Variants in TMEM17 observed in about 807,000 individuals in gnomAD.
TMEM17 encodes transmembrane protein 17.
In TMEM17, 15 loss-of-function variants were observed where a neutral mutation model predicts 19.1. The ratio of observed to expected loss-of-function variants is 0.78; its 90% CI spans 0.52 to 1.21. TMEM17 has a LOEUF of 1.21. Among genes scored for constraint, TMEM17 ranks in the 50% most tolerant of loss-of-function variants. TMEM17 has a pLI of 0.00. For missense variants in TMEM17, 245 were observed against 242.3 expected (o/e 1.01, Z -0.07); for synonymous variants, 103 against 86.9 (o/e 1.19, Z -1.03).
At chr2:62,499,066 A>G (rs1343632301), downstream of TMEM17, among the ~76,000 whole-genome samples, 1 of 152,242 alleles carries the variant, frequency 6.6e-6, no homozygotes, top group Non-Finnish European at 1.5e-5. Context: ...TGACTTGGTC[A>G]TGGTCTCAAT....
the TMEM17 span, among the ~76,000 whole-genome samples, chr2:62,492,461 TTTATC>T: frequency 6.6e-6 from 1 of 152,238 alleles, no homozygotes; most frequent in African/African-American, 2.4e-5. Flanking sequence ...AATTTGAGCA[TTTATC>T]TTAACGTAAA....
At chr2:62,489,814 C>T in the TMEM17 span, among the ~76,000 whole-genome samples, 1 of 152,156 alleles carries the variant, frequency 6.6e-6, no homozygotes, top group African/African-American at 2.4e-5. Flanking sequence ...AAAACAAAAA[C>T]CTTGCATCAA....
chr2:62,484,385 G>T, the TMEM17 span, among the ~76,000 whole-genome samples: 2 of 152,154 alleles, frequency 1.3e-5, no homozygotes, highest in Non-Finnish European at 2.9e-5. Context: ...ACTCTGATTG[G>T]CTGCCATGTT....
At chr2:62,464,421 G>A in the TMEM17 span, among the ~76,000 whole-genome samples, 1 of 152,222 alleles carries the variant, frequency 6.6e-6, no homozygotes, top group Non-Finnish European at 1.5e-5. Context: ...GAGGAGTTGA[G>A]CGCAGCGGGC....
rs1316354218 is a variant in TMEM17 at position 62,500,586 on chromosome 2, CAG to C, written c.*621_*622del. The C allele has an allele frequency of 6.6e-6, 1 of 152,044 alleles. No homozygotes were observed. Among genetic ancestry groups the C allele is most frequent in the Non-Finnish European group, 1.5e-5 (1 of 68,298 alleles). The allele number at this position is 152,044 out of a possible 1,614,324, so 9.4% of individuals were successfully genotyped here. A position where few individuals can be genotyped will look rare whatever the true frequency, so the allele number is the denominator to read the frequency against. On this transcript the variant is annotated 3_prime_UTR_variant, in exon 4 of 4. Coordinates refer to ENST00000335390, the MANE Select transcript of TMEM17 (RefSeq NM_198276.3). ...TCAGCCTCCCAAGTAGCTGGGACTACAGGTGCCTGCAACCACGCCTAGCTAAT... is the reference window on the plus strand; with the variant it reads ...TCAGCCTCCCAAGTAGCTGGGACTACGTGCCTGCAACCACGCCTAGCTAAT...
chr2:62,504,198 G>T (rs1419330302), intron 1 of TMEM17, among the ~76,000 whole-genome samples: 1 of 152,178 alleles, frequency 6.6e-6, no homozygotes, highest in Non-Finnish European at 1.5e-5. Context: ...GAATATGCCT[G>T]ATTATTATGA....
the TMEM17 span, among the ~76,000 whole-genome samples, chr2:62,460,278 T>C: frequency 2.6e-5 from 4 of 152,158 alleles, no homozygotes; most frequent in Non-Finnish European, 5.9e-5. Context: ...GCTCCATGAG[T>C]TGATCAGTTT....
chr2:62,454,531 T>C, the TMEM17 span, among the ~76,000 whole-genome samples: 1 of 152,150 alleles, frequency 6.6e-6, no homozygotes, highest in South Asian at 2.1e-4. Context: ...TGCTGGGCCA[T>C]AGTCCCCAGG....
At chr2:62,485,009 C>G in the TMEM17 span, among the ~76,000 whole-genome samples, 1 of 152,218 alleles carries the variant, frequency 6.6e-6, no homozygotes, top group Non-Finnish European at 1.5e-5. Context: ...ATGATCTCAG[C>G]TTACTGCAAC....
At chr2:62,455,324 T>G in the TMEM17 span, among the ~76,000 whole-genome samples, 3 of 152,256 alleles carry the variant, frequency 2.0e-5, no homozygotes, top group African/African-American at 7.2e-5. Flanking sequence ...CTGAGTAATA[T>G]TCCACTGCAA....
the TMEM17 span, among the ~76,000 whole-genome samples, chr2:62,485,999 C>A: frequency 6.6e-6 from 1 of 152,144 alleles, no homozygotes; most frequent in Non-Finnish European, 1.5e-5. Context: ...AGTAAGCAGA[C>A]CAGATGCTTT....
chr2:62,502,215 C>T (rs999299336), intron 3 of TMEM17: 5 of 342,590 alleles, frequency 1.5e-5, no homozygotes, highest in African/African-American at 1.0e-4. Context: ...CACTTAATCA[C>T]AACAAACCTG....
chr2:62,480,930 T>A, the TMEM17 span, among the ~76,000 whole-genome samples: 1 of 151,912 alleles, frequency 6.6e-6, no homozygotes, highest in Non-Finnish European at 1.5e-5. Context: ...ATTGTAAGAT[T>A]TTTTTTTCCA....
In TMEM17 at chr2:62,501,225, C is replaced by A. The variant is rs1464348399; in HGVS notation, c.581G>T (p.Cys194Phe). Residue 194 changes from cysteine to phenylalanine, a missense_variant, in exon 4 of 4, where the codon TGT becomes TTT. By Grantham distance (205) the Cys-to-Phe change is radical (BLOSUM62 -2). Transcript: ENST00000335390. ...AACACTGGATCAGATCTCTTCTATA[C>A]ATGACCTCATCCTTCTCATGTCTCC... ...NRGDMRRMRS[C>F]IEEI is the part of the protein sequence containing the mutation. 5 of 1,614,042 alleles carry A rather than the reference C, an allele frequency of 3.1e-6. No individual in the cohort carries two copies. The highest frequency in any genetic ancestry group is 4.2e-6 in the Non-Finnish European group (5 of 1,180,034).
the TMEM17 span, among the ~76,000 whole-genome samples, chr2:62,484,368 A>T: frequency 6.6e-6 from 1 of 152,160 alleles, no homozygotes; most frequent in Non-Finnish European, 1.5e-5. Flanking sequence ...GATTCCAGCT[A>T]TGCCACACTC....
At chr2:62,456,328 G>A in the TMEM17 span, among the ~76,000 whole-genome samples, 1 of 152,226 alleles carries the variant, frequency 6.6e-6, no homozygotes, top group Non-Finnish European at 1.5e-5. Flanking sequence ...AGCATCCAGA[G>A]CTGCAGTGTT....
At chr2:62,457,770 G>C in the TMEM17 span, among the ~76,000 whole-genome samples, 1 of 152,152 alleles carries the variant, frequency 6.6e-6, no homozygotes, top group Non-Finnish European at 1.5e-5. The surrounding 1 kb of genome is among the most constrained non-coding windows in gnomAD (Gnocchi z 4.2). Flanking sequence ...AACTGGGTGC[G>C]CTCTCACTTT....
At chr2:62,497,041 A>C (rs1319727473), downstream of TMEM17, among the ~76,000 whole-genome samples, 1 of 152,232 alleles carries the variant, frequency 6.6e-6, no homozygotes, top group East Asian at 1.9e-4. Flanking sequence ...GTTTACTCTT[A>C]TAGGTCATCT....
chr2:62,505,778 G>A (rs936088175), intron 1 of TMEM17, among the ~76,000 whole-genome samples: 1 of 152,156 alleles, frequency 6.6e-6, no homozygotes, highest in African/African-American at 2.4e-5. Flanking sequence ...TCGGCCCCAC[G>A]TCAGCTGCCG....
Sources: gnomAD v4.1 joint callset for allele counts (sites outside exome capture counted in the v4.1 genomes callset) on GRCh38, gnomAD v4.1.1 for gene constraint, Gnocchi (gnomAD v3.1) non-coding constraint, MANE v1.5 for transcripts, NCBI Gene and HGNC (gene_info 2026-07-23, HGNC 2026-07-21) for gene names.